Variants in LRAT observed in about 807,000 individuals in gnomAD.
The protein encoded by LRAT is lecithin retinol acyltransferase.
A neutral mutation model predicts 14.2 loss-of-function variants in LRAT; 11 were observed. The ratio of observed to expected loss-of-function variants is 0.78; its 90% CI spans 0.49 to 1.29. The LOEUF is 1.29. Among genes scored for constraint, LRAT ranks in the 50% most tolerant of loss-of-function variants. LRAT has a pLI of 0.00. For synonymous variants in LRAT, 144 were observed against 124.8 expected (o/e 1.15, Z -1.03); for missense variants, 274 against 292.4 (o/e 0.94, Z 0.46).
At chr4:154,745,960 A>G (rs185786575) in intron 2 of LRAT, among the ~76,000 whole-genome samples, 1 of 152,344 alleles carries the variant, frequency 6.6e-6, no homozygotes, top group Non-Finnish European at 1.5e-5. Flanking sequence ...TTAGTTTTCA[A>G]GAAGAGATGT....
At chr4:154,747,932 A>G (rs1334276950) in intron 2 of LRAT, among the ~76,000 whole-genome samples, 1 of 152,160 alleles carries the variant, frequency 6.6e-6, no homozygotes, top group Non-Finnish European at 1.5e-5. Flanking sequence ...GTATTAAAAC[A>G]TATTGAACTT....
rs1231070796 is a variant in LRAT at position 154,744,235 on chromosome 4, G to T, written c.-2+13G>T. 16 of 1,345,624 alleles carry T rather than the reference G, an allele frequency of 1.2e-5. No individual in the cohort carries two copies. The highest frequency in any genetic ancestry group is 2.4e-4 in the Middle Eastern group (1 of 4,088). The allele number at this position is 1,345,624 out of a possible 1,614,324, so 83.4% of individuals were successfully genotyped here. ...ACCTGGCCTGCAGGTGAGCAGCAGC[G>T]CAGCACCCCTGCCCGGCGAGCTTAA... is the stretch of plus-strand genomic sequence containing the variant. On this transcript the variant is annotated intron_variant, in intron 1 of 2. Transcript: ENST00000336356.
At chr4:154,748,494 G>A in intron 2 of LRAT, 1 of 578,450 alleles carries the variant, frequency 1.7e-6, no homozygotes. Context: ...AATAAAATTA[G>A]ACTTTCTATG....
upstream of LRAT, among the ~76,000 whole-genome samples, chr4:154,742,047 G>A (rs1732778031): frequency 6.6e-6 from 1 of 152,102 alleles, no homozygotes; most frequent in Non-Finnish European, 1.5e-5. Flanking sequence ...AGCCAGTTCA[G>A]AGTGTGAGGT....
chr4:154,745,175 C>T (rs1171416199), intron 2 of LRAT, among the ~76,000 whole-genome samples: 2 of 151,842 alleles, frequency 1.3e-5, no homozygotes, highest in Non-Finnish European at 2.9e-5. Context: ...CCCGCCACCA[C>T]GCCCGGCTAA....
At position 154,751,510 on chromosome 4, in the gene LRAT, G is replaced by A. The variant is rs1283187047; in HGVS notation, c.*2374G>A. ...CCAGCACTTTGGGAGGCCAAGGAGG[G>A]AGGATCACAAGGTCAGGAGATCGAG... On this transcript the variant is annotated 3_prime_UTR_variant, in exon 3 of 3. Coordinates refer to ENST00000336356, the MANE Select transcript of LRAT (RefSeq NM_004744.5). 3.9e-5 allele frequency: 6 copies of A among 152,080 alleles called. No homozygotes were observed. The highest frequency in any genetic ancestry group is 4.2e-4 in the South Asian group (2 of 4,808). The allele number at this position is 152,080 out of a possible 1,614,324, so 9.4% of individuals were successfully genotyped here. A position where few individuals can be genotyped will look rare whatever the true frequency, so the allele number is the denominator to read the frequency against.
intron 2 of LRAT, chr4:154,748,239 C>T: frequency 1.0e-6 from 1 of 985,596 alleles, no homozygotes; most frequent in Non-Finnish European, 1.2e-6. Context: ...AGTTAATCCT[C>T]AGAACAATTT....
intron 2 of LRAT, among the ~76,000 whole-genome samples, chr4:154,747,184 A>T (rs1732899062): frequency 6.6e-6 from 1 of 152,188 alleles, no homozygotes; most frequent in Non-Finnish European, 1.5e-5. Flanking sequence ...CCCTAAGGAA[A>T]ACACTGCAAT....
chr4:154,748,281 T>C lies in LRAT; in HGVS notation c.541-703T>C, dbSNP rs117969023. On this transcript the variant is annotated intron_variant, in intron 2 of 2. Transcript: ENST00000336356. ...TCCCATTTGACTACTTGAGGTGACA[T>C]AGCCAATAAGAGCTGGAGCCAGGAC... is the stretch of plus-strand genomic sequence containing the variant. The C allele has an allele frequency of 4.4e-3, 4,324 of 983,540 alleles. 97 individuals are homozygous for C. The East Asian group carries it at 0.13, about 29-fold the overall frequency. 60.9% of individuals were successfully genotyped at this position (983,540 alleles called of 1,614,324 possible).
At chr4:154,742,261 C>T (rs1164852619), upstream of LRAT, among the ~76,000 whole-genome samples, 2 of 152,176 alleles carry the variant, frequency 1.3e-5, no homozygotes, top group Admixed American at 6.5e-5. Flanking sequence ...TGGCTCTCTC[C>T]CCTTCTCCAA....
chr4:154,743,429 G>A (rs987536842), upstream of LRAT, among the ~76,000 whole-genome samples: 1 of 152,114 alleles, frequency 6.6e-6, no homozygotes, highest in Non-Finnish European at 1.5e-5. Flanking sequence ...GGGAGGCGGA[G>A]GTTGCAGTGA....
At chr4:154,742,513 C>T (rs1284114234), upstream of LRAT, among the ~76,000 whole-genome samples, 1 of 152,194 alleles carries the variant, frequency 6.6e-6, no homozygotes, top group African/African-American at 2.4e-5. Flanking sequence ...TTCCTTCATC[C>T]ATCATCCGCA....
chr4:154,742,384 A>C (rs1026184265), upstream of LRAT, among the ~76,000 whole-genome samples: 3 of 152,116 alleles, frequency 2.0e-5, no homozygotes, highest in Non-Finnish European at 1.5e-5. Flanking sequence ...AGACGGGGAC[A>C]GATCGCTGAC....
chr4:154,749,434 A>G lies in LRAT; in HGVS notation c.*298A>G. 1 of 377,198 alleles carries G rather than the reference A, an allele frequency of 2.7e-6. No individual in the cohort carries two copies. Among genetic ancestry groups the G allele is most frequent in the Non-Finnish European group, 4.9e-6 (1 of 202,450 alleles). 23.4% of individuals were successfully genotyped at this position (377,198 alleles called of 1,614,324 possible). A position where few individuals can be genotyped will look rare whatever the true frequency, so the allele number is the denominator to read the frequency against. ...CCTAAAATGATAGCCACAAGAGATT[A>G]ATTGTGTTTTTTTTTCTCCTGTAAT... is the stretch of plus-strand genomic sequence containing the variant. On this transcript the variant is annotated 3_prime_UTR_variant, in exon 3 of 3. Coordinates refer to ENST00000336356, the MANE Select transcript of LRAT (RefSeq NM_004744.5).
intron 2 of LRAT, 71 bp downstream of exon 2, chr4:154,744,937 TC>T: frequency 6.8e-7 from 1 of 1,467,574 alleles, no homozygotes; most frequent in Non-Finnish European, 9.4e-7. Flanking sequence ...CCTTTTCTCT[TC>T]CCCGCGAGTA....
upstream of LRAT, among the ~76,000 whole-genome samples, chr4:154,743,261 G>A (rs899985307): frequency 6.6e-6 from 1 of 152,090 alleles, no homozygotes; most frequent in Non-Finnish European, 1.5e-5. Flanking sequence ...CCAGAAGGGC[G>A]GATCACTTGA....
chr4:154,744,444 T>A lies in LRAT; in HGVS notation c.118T>A (p.Tyr40Asn). The A allele has an allele frequency of 6.2e-7, 1 of 1,614,094 alleles. No homozygotes were observed. Among genetic ancestry groups the A allele is most frequent in the Non-Finnish European group, 8.5e-7 (1 of 1,180,022 alleles). The change falls in exon 2 of 3, where the codon TAT becomes AAT. Residue 40 changes from tyrosine (Y) to asparagine (N), a missense_variant. Physicochemically the swap from Tyr to Asn is moderately radical, Grantham distance 143. Transcript: ENST00000336356. The stretch of plus-strand genomic sequence containing the variant: ...CGAAGACAAAGGGAGGAACAGTTTT[T>A]ATGAAACCAGCTCTTTCCACCGAGG... ...AGEDKGRNSF[Y>N]ETSSFHRGDV... is the part of the protein sequence containing the mutation.
At chr4:154,746,400 G>A (rs1732885650) in intron 2 of LRAT, among the ~76,000 whole-genome samples, 1 of 152,122 alleles carries the variant, frequency 6.6e-6, no homozygotes, top group South Asian at 2.1e-4. Context: ...ATAGATCGGT[G>A]TATGAAACTC....
chr4:154,750,634 CA>C lies in LRAT; in HGVS notation c.*1501del, dbSNP rs1732971535. The C allele has an allele frequency of 6.6e-6, 1 of 151,810 alleles. No homozygotes were observed. The highest frequency in any genetic ancestry group is 1.5e-5 in the Non-Finnish European group (1 of 67,944). The allele number at this position is 151,810 out of a possible 1,614,324, so 9.4% of individuals were successfully genotyped here. On this transcript the variant is annotated 3_prime_UTR_variant, in exon 3 of 3. Transcript: ENST00000336356. ...ACAACAAACTCAGTATTTAATTTTT[CA>C]AATTAAATATTAAATTATTTAAGTA...
Sources: allele counts gnomAD v4.1 joint callset (sites outside exome capture counted in the v4.1 genomes callset), GRCh38; gene constraint gnomAD v4.1.1; transcripts MANE v1.5; gene names NCBI Gene and HGNC (gene_info 2026-07-23, HGNC 2026-07-21).